Variants in CCNQ observed in about 807,000 individuals in gnomAD.
CCNQ encodes the protein cyclin-Q.
Under a neutral mutation model 17.7 loss-of-function variants are expected in CCNQ, and 3 were observed. That is an observed-to-expected ratio of 0.17 (90% CI 0.08 to 0.44). CCNQ has a LOEUF of 0.44. CCNQ is among the 20% of genes least tolerant of loss of function. The probability of loss-of-function intolerance (pLI) is 0.99; values close to 1 mark genes in which losing one functional copy is unlikely to be tolerated. For missense variants in CCNQ, 146 were observed against 222.6 expected, an observed-to-expected ratio of 0.66 and a Z score of 2.19; for synonymous variants, 73 against 96.0, an observed-to-expected ratio of 0.76 and a Z score of 1.40.
In CCNQ at chrX:153,598,387, G is replaced by C. The variant is rs782480511; in HGVS notation, c.112+575C>G. Among the ~76,000 whole-genome samples, 3 of 110,522 alleles carry C rather than the reference G, an allele frequency of 2.7e-5. No individual in the cohort carries two copies. The South Asian group carries it at 1.1e-3, about 42-fold the overall frequency. On this transcript the variant is annotated intron_variant, in intron 1 of 4. Transcript: ENST00000576892. Reference sequence around the variant, plus strand: ...GCCGAGATCACGCCACTGCACTCCAGCCTGGCCAACAGAGCGAGACTCCGT... The same window carrying C: ...GCCGAGATCACGCCACTGCACTCCACCCTGGCCAACAGAGCGAGACTCCGT...
At chrX:153,598,778 G>T (rs1557027633) in intron 1 of CCNQ, among the ~76,000 whole-genome samples, 184 bp downstream of exon 1, 1 of 113,291 alleles carries the variant, frequency 8.8e-6, no homozygotes, top group African/African-American at 3.2e-5. Context: ...ACGCCATGGG[G>T]ATACCTCGCG....
At chrX:153,595,355 C>T (rs977997937) in intron 2 of CCNQ, among the ~76,000 whole-genome samples, 1 of 113,388 alleles carries the variant, frequency 8.8e-6, no homozygotes, top group Non-Finnish European at 1.9e-5. Flanking sequence ...TGGGCTCAAG[C>T]GATCCACCCG....
chrX:153,594,663 C>T lies in CCNQ; in HGVS notation c.313G>A (p.Gly105Ser), dbSNP rs782206940. 3.2e-5 allele frequency: 39 copies of T among 1,210,065 alleles called. No individual in the cohort carries two copies. Among genetic ancestry groups the T allele is most frequent in the Non-Finnish European group, 4.4e-5 (39 of 895,223 alleles). Reference sequence around the variant, plus strand: ...CGGGAGTCCAATTCCAGGGGCTCACCGCTTGGGTTAAAGTACCTGCGCAGA... The same window carrying T: ...CGGGAGTCCAATTCCAGGGGCTCACTGCTTGGGTTAAAGTACCTGCGCAGA... ...NVSNRYFNPSGEPLELDSRFW... is the reference protein window; with the variant it reads ...NVSNRYFNPSSEPLELDSRFW... Residue 105 changes from glycine (G) to serine (S), a missense_variant, in exon 3 of 5, where the codon GGT becomes AGT. By Grantham distance (56) the Gly-to-Ser change is moderately conservative. Transcript: ENST00000576892.
At chrX:153,595,475 T>C (rs1359507641) in intron 2 of CCNQ, among the ~76,000 whole-genome samples, 1 of 113,465 alleles carries the variant, frequency 8.8e-6, no homozygotes, top group Non-Finnish European at 1.9e-5. Context: ...AAGTGAACAT[T>C]TCTCAGTTTT....
intron 4 of CCNQ, among the ~76,000 whole-genome samples, chrX:153,591,743 G>A (rs1259499358): frequency 1.8e-5 from 2 of 110,689 alleles, no homozygotes; most frequent in African/African-American, 6.6e-5. Flanking sequence ...CTTCCGGCTT[G>A]AGACTGGGAA....
At chrX:153,588,576 G>A in intron 4 of CCNQ, 122 bp from the exon 5 acceptor site, 3 of 557,046 alleles carry the variant, frequency 5.4e-6, no homozygotes, top group Non-Finnish European at 9.6e-6. Context: ...TGGCTATGTA[G>A]GAAGACAGTA....
intron 1 of CCNQ, among the ~76,000 whole-genome samples, chrX:153,596,932 C>T (rs1557027232): frequency 8.9e-6 from 1 of 112,071 alleles, no homozygotes; most frequent in African/African-American, 3.3e-5. Context: ...GAATTCGAGA[C>T]CAGCCTAGGC....
Position 153,596,122 on chromosome X carries a change from A to G in CCNQ, c.178T>C (p.Cys60Arg). The change falls in exon 2 of 5, where the codon TGC (cysteine) becomes CGC (arginine). Residue 60 changes from cysteine to arginine, a missense_variant. Coordinates refer to ENST00000576892, the MANE Select transcript of CCNQ (RefSeq NM_152274.5). ...TACTIYHKFF[C>R]ETNLDAYDPY... is the part of the protein sequence containing the mutation. ...TCATAGGCGTCCAGGTTGGTCTCGC[A>G]AAAGAACTTATGGTAAATGGTGCAA... 1 of 1,212,259 alleles carries G rather than the reference A, an allele frequency of 8.2e-7. No individual in the cohort carries two copies. Among genetic ancestry groups the G allele is most frequent in the Non-Finnish European group, 1.1e-6 (1 of 895,619 alleles).
chrX:153,594,425 C>G, intron 3 of CCNQ, 122 bp downstream of exon 3: 1 of 976,196 alleles, frequency 1.0e-6, no homozygotes, highest in Non-Finnish European at 1.5e-6. Flanking sequence ...CAGTTCCCAG[C>G]CGCAGCCCTG....
chrX:153,592,794 T>C, intron 3 of CCNQ, 61 bp from the exon 4 acceptor site: 1 of 1,031,651 alleles, frequency 9.7e-7, no homozygotes, highest in Admixed American at 2.6e-5. Context: ...GCTGACATAA[T>C]CATATCAGCA....
chrX:153,596,345 G>A (rs999202734), intron 1 of CCNQ, among the ~76,000 whole-genome samples, 158 bp from the exon 2 acceptor site: 2 of 111,723 alleles, frequency 1.8e-5, no homozygotes, highest in East Asian at 5.7e-4. Flanking sequence ...GTCTCTTACT[G>A]GGCTCTCAGA....
At chrX:153,589,000 G>A (rs73247614) in intron 4 of CCNQ, among the ~76,000 whole-genome samples, 8,032 of 113,015 alleles carry the variant, frequency 0.071, 279 homozygotes, top group African/African-American at 0.14. Flanking sequence ...CCAGGGCCAC[G>A]CCACAGGCTG....
At position 153,590,913 on chromosome X, in the gene CCNQ, G is replaced by A. The variant is rs547603679; in HGVS notation, c.657+1593C>T. Among the ~76,000 whole-genome samples the A allele has an allele frequency of 4.5e-4, 50 of 111,857 alleles. No homozygotes were observed. The South Asian group carries it at 0.018, about 41-fold the overall frequency. Reference sequence around the variant, plus strand: ...GAGGGCACTCGGTGTGGCTCTGGACGTGGAAGTTTCAGCAGCATTGCGTGA... The same window carrying A: ...GAGGGCACTCGGTGTGGCTCTGGACATGGAAGTTTCAGCAGCATTGCGTGA... On this transcript the variant is annotated intron_variant, in intron 4 of 4. Coordinates refer to ENST00000576892, the MANE Select transcript of CCNQ (RefSeq NM_152274.5).
chrX:153,588,303 G>A lies in CCNQ; in HGVS notation c.*62C>T, dbSNP rs1302866431. 47 of 961,412 alleles carry A rather than the reference G, an allele frequency of 4.9e-5. No individual in the cohort carries two copies. The highest frequency in any genetic ancestry group is 6.6e-5 in the Admixed American group (3 of 45,727). The allele number at this position is 961,412 out of a possible 1,213,427, so 79.2% of individuals were successfully genotyped here. A position where few individuals can be genotyped will look rare whatever the true frequency, so the allele number is the denominator to read the frequency against. On this transcript the variant is annotated 3_prime_UTR_variant, in exon 5 of 5. Coordinates refer to ENST00000576892, the MANE Select transcript of CCNQ (RefSeq NM_152274.5). ...GGACCAGCCGTCATGGCGACGTGGT[G>A]ACAATGTCCCCAGGCAGCCGACCAT...
At chrX:153,588,984 T>G (rs1188054935) in intron 4 of CCNQ, among the ~76,000 whole-genome samples, 3 of 113,258 alleles carry the variant, frequency 2.6e-5, no homozygotes, top group Admixed American at 9.2e-5. Context: ...GCAGGAGGGT[T>G]GCAGCCCAGG....
At chrX:153,588,815 G>A (rs781868321) in intron 4 of CCNQ, among the ~76,000 whole-genome samples, 1 of 113,006 alleles carries the variant, frequency 8.8e-6, no homozygotes. Flanking sequence ...GGCAAGAGGA[G>A]AGGGTGGCAG....
intron 1 of CCNQ, among the ~76,000 whole-genome samples, chrX:153,598,569 G>A (rs1470224006): frequency 9.7e-5 from 11 of 113,377 alleles, no homozygotes; most frequent in Non-Finnish European, 1.3e-4. Context: ...CTAGGTCCCC[G>A]GAGTGACAGG....
chrX:153,596,277 G>T (rs1051892950), intron 1 of CCNQ, 90 bp from the exon 2 acceptor site: 5 of 977,709 alleles, frequency 5.1e-6, no homozygotes, highest in Non-Finnish European at 7.3e-6. Context: ...GCCCTAGCAG[G>T]TACAACCCTA....
chrX:153,590,231 T>TAAA (rs59053078), intron 4 of CCNQ, among the ~76,000 whole-genome samples: 1,092 of 26,447 alleles, frequency 0.041, 336 homozygotes, highest in African/African-American at 0.076. Context: ...CTGTCTCTAT[T>TAAA]AAAAAAAAAA....
Sources: allele counts gnomAD v4.1 joint callset (sites outside exome capture counted in the v4.1 genomes callset), GRCh38; gene constraint gnomAD v4.1.1; transcripts MANE v1.5; gene names NCBI Gene and HGNC (gene_info 2026-07-23, HGNC 2026-07-21).